LRPPRC: variants seen among roughly 807,000 people sequenced by gnomAD.
LRPPRC encodes leucine-rich PPR motif-containing protein, mitochondrial.
In LRPPRC, 120 loss-of-function variants were observed where a neutral mutation model predicts 180.3. The ratio of observed to expected loss-of-function variants is 0.67; its 90% CI spans 0.57 to 0.77. The LOEUF (loss-of-function observed/expected upper bound fraction) is 0.77. LRPPRC is among the 30% of genes least tolerant of loss of function. The probability of loss-of-function intolerance (pLI) is 0.00; values close to 1 mark genes in which losing one functional copy is unlikely to be tolerated. For synonymous variants in LRPPRC, 723 were observed against 600.0 expected (o/e 1.21, Z -3.00); for missense variants, 2,012 against 1,657.2 (o/e 1.21, Z -3.72).
rs1056757151 is a variant in LRPPRC at position 43,886,860 on chromosome 2, G to GC, written c.*1739dup. On this transcript the variant is annotated 3_prime_UTR_variant, in exon 38 of 38. Transcript: ENST00000260665. ...ACTAAAGACAGGAGTGAGGCTCTTG[G>GC]CCAGGCGTGGTGGCTCACACCTGTA... The GC allele has an allele frequency of 7.9e-5, 12 of 152,216 alleles. No homozygotes were observed. Among genetic ancestry groups the GC allele is most frequent in the African/African-American group, 2.7e-4 (11 of 41,438 alleles). 9.4% of individuals were successfully genotyped at this position (152,216 alleles called of 1,614,324 possible).
intron 30 of LRPPRC, among the ~76,000 whole-genome samples, chr2:43,908,747 G>C (rs1288058610): frequency 6.6e-6 from 1 of 152,150 alleles, no homozygotes; most frequent in African/African-American, 2.4e-5. Flanking sequence ...GGCTGGTCTT[G>C]AACTCCTGAC....
At chr2:43,971,205 A>T (rs534430848) in intron 11 of LRPPRC, among the ~76,000 whole-genome samples, 75 of 151,850 alleles carry the variant, frequency 4.9e-4, no homozygotes, top group African/African-American at 1.7e-3. Flanking sequence ...TCACATTCTC[A>T]TTTCTATGTT....
intron 1 of LRPPRC, among the ~76,000 whole-genome samples, chr2:43,991,918 T>C (rs1467866594): frequency 6.6e-6 from 1 of 152,226 alleles, no homozygotes; most frequent in Non-Finnish European, 1.5e-5. Flanking sequence ...TCCTCCAGTT[T>C]ACCATATTCC....
At chr2:43,946,772 T>G (rs961569612) in intron 20 of LRPPRC, among the ~76,000 whole-genome samples, 6 of 152,126 alleles carry the variant, frequency 3.9e-5, no homozygotes, top group African/African-American at 1.4e-4. Context: ...TCTAGTGATA[T>G]CCCACAAATT....
At chr2:43,949,501 T>C in intron 16 of LRPPRC, 101 bp downstream of exon 16, 1 of 837,102 alleles carries the variant, frequency 1.2e-6, no homozygotes, top group South Asian at 1.4e-5. Context: ...CAAATTCCAC[T>C]TTAAAAAATA....
At chr2:43,954,223 T>C (rs1673014191) in intron 14 of LRPPRC, among the ~76,000 whole-genome samples, 1 of 152,140 alleles carries the variant, frequency 6.6e-6, no homozygotes, top group African/African-American at 2.4e-5. Flanking sequence ...AGTGTATAGA[T>C]AAATATCCCT....
At chr2:43,892,102 GA>G (rs1170834186) in intron 36 of LRPPRC, among the ~76,000 whole-genome samples, 1 of 152,200 alleles carries the variant, frequency 6.6e-6, no homozygotes, top group Non-Finnish European at 1.5e-5. Flanking sequence ...TCCATGACAC[GA>G]AAGTCCAAGG....
At chr2:43,967,940 T>A (rs1038744931) in intron 11 of LRPPRC, among the ~76,000 whole-genome samples, 21 of 152,204 alleles carry the variant, frequency 1.4e-4, no homozygotes, top group Non-Finnish European at 2.9e-5. Flanking sequence ...GCACCTGACA[T>A]GATGACATAG....
intron 34 of LRPPRC, among the ~76,000 whole-genome samples, chr2:43,897,795 A>C (rs770110526): frequency 6.6e-6 from 1 of 152,072 alleles, no homozygotes; most frequent in Non-Finnish European, 1.5e-5. Flanking sequence ...TTCCAGAAAA[A>C]CCTTGATTAT....
intron 13 of LRPPRC, among the ~76,000 whole-genome samples, chr2:43,957,900 CTT>C (rs1673188697): frequency 6.6e-6 from 1 of 152,172 alleles, no homozygotes; most frequent in South Asian, 2.1e-4. Context: ...ACCATTCATA[CTT>C]TCTCATTTCA....
chr2:43,976,081 T>A lies in LRPPRC; in HGVS notation c.737+62A>T, dbSNP rs1458447316. 3 of 940,828 alleles carry A rather than the reference T, an allele frequency of 3.2e-6. No homozygotes were observed. In the African/African-American group the frequency reaches 4.9e-5, roughly 15 times the overall value. 58.3% of individuals were successfully genotyped at this position (940,828 alleles called of 1,614,324 possible). A position where few individuals can be genotyped will look rare whatever the true frequency, so the allele number is the denominator to read the frequency against. ...CTTAACAAACAAAAAAGGAGTAAAA[T>A]GACCACTTTAGCATCTCAGCCATCT... On this transcript the variant is annotated intron_variant, in intron 6 of 37. Coordinates refer to ENST00000260665, the MANE Select transcript of LRPPRC (RefSeq NM_133259.4).
intron 11 of LRPPRC, among the ~76,000 whole-genome samples, chr2:43,969,150 C>A (rs756564794): frequency 6.6e-6 from 1 of 152,210 alleles, no homozygotes; most frequent in East Asian, 1.9e-4. Context: ...CAGAGGCTCA[C>A]GCCTGTAATC....
chr2:43,992,579 T>C lies in LRPPRC; in HGVS notation c.149+3220A>G, dbSNP rs116215547. Among the ~76,000 whole-genome samples the C allele has an allele frequency of 5.9e-3, 898 of 152,240 alleles. 9 individuals carry two copies. Among genetic ancestry groups the C allele is most frequent in the African/African-American group, 0.021 (854 of 41,536 alleles). On this transcript the variant is annotated intron_variant, in intron 1 of 37. Transcript: ENST00000260665. ...GCAGGAAAATGACATGATCAAATTA[T>C]CAGGGAGACTAGGGAATGATGAAGG...
At chr2:43,976,318 G>GT (rs1397809455) in intron 5 of LRPPRC, 89 bp from the exon 6 acceptor site, 12 of 750,654 alleles carry the variant, frequency 1.6e-5, no homozygotes, top group Non-Finnish European at 2.1e-5. Flanking sequence ...AGTTACTTTT[G>GT]TTTTTAAAAT....
chr2:43,930,869 T>C (rs368304454), intron 25 of LRPPRC, among the ~76,000 whole-genome samples: 4 of 152,154 alleles, frequency 2.6e-5, no homozygotes, highest in African/African-American at 9.7e-5. Context: ...AAAGAAGGTA[T>C]TTCTCTGTAA....
intron 21 of LRPPRC, 127 bp from the exon 22 acceptor site, chr2:43,945,544 C>T (rs1344837502): frequency 2.9e-6 from 2 of 688,546 alleles, no homozygotes; most frequent in Non-Finnish European, 5.3e-6. Flanking sequence ...CTCTACGCTT[C>T]AGTTAGGATT....
At chr2:43,983,976 T>C (rs921795461) in intron 1 of LRPPRC, among the ~76,000 whole-genome samples, 1 of 152,188 alleles carries the variant, frequency 6.6e-6, no homozygotes, top group African/African-American at 2.4e-5. Flanking sequence ...AGACAATGTC[T>C]TATTTTTGTA....
intron 18 of LRPPRC, 95 bp from the exon 19 acceptor site, chr2:43,947,870 TTAC>T (rs1411824684): frequency 4.9e-6 from 4 of 813,594 alleles, no homozygotes; most frequent in South Asian, 1.4e-5. Context: ...TCACCTCATA[TTAC>T]TACTTTTCAT....
At chr2:43,969,800 A>G (rs1315770370) in intron 11 of LRPPRC, among the ~76,000 whole-genome samples, 2 of 151,964 alleles carry the variant, frequency 1.3e-5, no homozygotes, top group Middle Eastern at 3.2e-3. Context: ...CTCCCACCCC[A>G]GCCTCCCAAG....
Sources: allele counts gnomAD v4.1 joint callset (sites outside exome capture counted in the v4.1 genomes callset), GRCh38; gene constraint gnomAD v4.1.1; transcripts MANE v1.5; gene names NCBI Gene and HGNC (gene_info 2026-07-23, HGNC 2026-07-21).